SEMA6D: variants seen among roughly 807,000 people sequenced by gnomAD.
The protein encoded by SEMA6D is semaphorin 6D, also known as semaphorin-6D.
A neutral mutation model predicts 106.6 loss-of-function variants in SEMA6D; 35 were observed. That is an observed-to-expected ratio of 0.33 (90% CI 0.25 to 0.44). The LOEUF (loss-of-function observed/expected upper bound fraction) is 0.44. Among genes scored for constraint, SEMA6D ranks in the 20% least tolerant of loss-of-function variants. The pLI is 1.00. For synonymous variants in SEMA6D, 499 were observed against 487.7 expected (o/e 1.02, Z -0.31); for missense variants, 1,185 against 1,345.9 (o/e 0.88, Z 1.87).
intron 4 of SEMA6D, among the ~76,000 whole-genome samples, chr15:47,675,164 A>C (rs1217944374): frequency 6.6e-6 from 1 of 152,206 alleles, no homozygotes; most frequent in Non-Finnish European, 1.5e-5. Context: ...GGCATACATA[A>C]TTTAGGATGA....
At chr15:47,622,266 CAGAG>C (rs1380818488) in intron 4 of SEMA6D, among the ~76,000 whole-genome samples, 1 of 150,512 alleles carries the variant, frequency 6.6e-6, no homozygotes, top group African/African-American at 2.4e-5. Context: ...CCTTCATTCA[CAGAG>C]AGTCTCAAAA....
intron 2 of SEMA6D, 160 bp downstream of exon 2, chr15:47,760,067 A>G: frequency 1.5e-6 from 1 of 677,534 alleles, no homozygotes; most frequent in Non-Finnish European, 2.5e-6. Context: ...TGTTTGGAGA[A>G]AACGGGGCAG....
intron 3 of SEMA6D, among the ~76,000 whole-genome samples, chr15:47,541,837 A>T (rs542769044): frequency 6.6e-6 from 1 of 151,692 alleles, no homozygotes; most frequent in African/African-American, 2.4e-5. Context: ...TTCTTGGTAG[A>T]TTCAGAGCTG....
chr15:47,665,810 C>CA (rs2078014739), intron 4 of SEMA6D, among the ~76,000 whole-genome samples: 1 of 152,068 alleles, frequency 6.6e-6, no homozygotes, highest in East Asian at 1.9e-4. Flanking sequence ...ACTCTGTTTC[C>CA]AAAAAAATAA....
At chr15:47,330,607 T>C (rs2144072144) in intron 1 of SEMA6D, among the ~76,000 whole-genome samples, 1 of 152,290 alleles carries the variant, frequency 6.6e-6, no homozygotes, top group East Asian at 1.9e-4. Context: ...ATTTATTGAG[T>C]CCCTACTATA....
intron 4 of SEMA6D, among the ~76,000 whole-genome samples, chr15:47,674,324 A>G (rs1264744351): frequency 6.6e-6 from 1 of 152,196 alleles, no homozygotes; most frequent in East Asian, 1.9e-4. Flanking sequence ...GGAAGGAAAG[A>G]CGTAGCTTGT....
At chr15:47,235,801 G>T (rs1209543065) in intron 1 of SEMA6D, among the ~76,000 whole-genome samples, 1 of 151,996 alleles carries the variant, frequency 6.6e-6, no homozygotes, top group Non-Finnish European at 1.5e-5. Flanking sequence ...CTTGTAAATT[G>T]CTTTTGACAG....
At chr15:47,661,110 G>A (rs1245299920) in intron 4 of SEMA6D, among the ~76,000 whole-genome samples, 1 of 152,120 alleles carries the variant, frequency 6.6e-6, no homozygotes, top group African/African-American at 2.4e-5. Flanking sequence ...TTGCACATTT[G>A]TTTAAGAGAG....
chr15:47,768,638 C>G lies in SEMA6D; in HGVS notation c.1823C>G (p.Pro608Arg), dbSNP rs2082472256. 6.2e-7 allele frequency: 1 copy of G among 1,613,256 alleles called. No individual in the cohort carries two copies. Among genetic ancestry groups the G allele is most frequent in the Non-Finnish European group, 8.5e-7 (1 of 1,179,442 alleles). ...TTMASIPEIT[P>R]KVIDTWRPKL... Reference sequence around the variant, plus strand: ...ATGGCAAGTATCCCAGAAATCACACCTAAAGTGATTGATACCTGGAGACCT... The same window carrying G: ...ATGGCAAGTATCCCAGAAATCACACGTAAAGTGATTGATACCTGGAGACCT... Residue 608 changes from proline (P) to arginine (R), a missense_variant, in exon 18 of 19, where the codon CCT becomes CGT. Transcript: ENST00000536845.
At chr15:47,442,491 A>G (rs964773741) in intron 2 of SEMA6D, among the ~76,000 whole-genome samples, 1 of 152,136 alleles carries the variant, frequency 6.6e-6, no homozygotes, top group East Asian at 1.9e-4. Context: ...CCAGCTAGTC[A>G]TATGACCTAT....
intron 1 of SEMA6D, among the ~76,000 whole-genome samples, chr15:47,221,802 A>T (rs937593520): frequency 6.6e-6 from 1 of 152,248 alleles, no homozygotes; most frequent in Non-Finnish European, 1.5e-5. Context: ...GTTAGATCAC[A>T]TTATTTAAAT....
intron 3 of SEMA6D, among the ~76,000 whole-genome samples, chr15:47,583,817 G>A (rs2076292240): frequency 6.6e-6 from 1 of 152,166 alleles, no homozygotes; most frequent in South Asian, 2.1e-4. Flanking sequence ...AGGAGAGCAG[G>A]GGAGAAAGAA....
In SEMA6D at chr15:47,639,487, C is replaced by T. The variant is rs537808203; in HGVS notation, c.-55+38591C>T. ...CAAATAATTAATGGAGGTTCTCCACCCTCAAGGAGGGAAAGAATAACTCCT... is the reference window on the plus strand; with the variant it reads ...CAAATAATTAATGGAGGTTCTCCACTCTCAAGGAGGGAAAGAATAACTCCT... On this transcript the variant is annotated intron_variant, in intron 4 of 19. Coordinates refer to the SEMA6D transcript ENST00000558014. Among the ~76,000 whole-genome samples, 10 of 152,290 alleles carry T rather than the reference C, an allele frequency of 6.6e-5. No homozygotes were observed. In the East Asian group the frequency reaches 1.7e-3, roughly 26 times the overall value.
chr15:47,474,147 T>C (rs1009339527), intron 3 of SEMA6D, among the ~76,000 whole-genome samples: 1 of 152,214 alleles, frequency 6.6e-6, no homozygotes, highest in South Asian at 2.1e-4. Context: ...GAATTCTAGC[T>C]GAGTTCCTGT....
intron 1 of SEMA6D, among the ~76,000 whole-genome samples, chr15:47,289,284 C>T (rs1300042948): frequency 1.1e-4 from 16 of 150,698 alleles, no homozygotes; most frequent in African/African-American, 3.9e-4. Context: ...ATCCCAGCTA[C>T]TCAGGAGGCC....
At chr15:47,273,681 A>T (rs1456994013) in intron 1 of SEMA6D, among the ~76,000 whole-genome samples, 1 of 152,244 alleles carries the variant, frequency 6.6e-6, no homozygotes, top group Non-Finnish European at 1.5e-5. Context: ...GGTGTAAATT[A>T]GTGAATGTTA....
intron 4 of SEMA6D, among the ~76,000 whole-genome samples, chr15:47,625,824 A>G (rs2144349553): frequency 6.6e-6 from 1 of 152,296 alleles, no homozygotes; most frequent in South Asian, 2.1e-4. Context: ...ATTTACAAAA[A>G]CTTAATTTAA....
rs535942668 is a variant in SEMA6D, at chr15:47,447,650, A to C, written c.-158-22824A>C. Among the ~76,000 whole-genome samples the C allele has an allele frequency of 2.6e-5, 4 of 152,254 alleles. No homozygotes were observed. In the South Asian group the frequency reaches 6.2e-4, roughly 24 times the overall value. On this transcript the variant is annotated intron_variant, in intron 2 of 19. Coordinates refer to the SEMA6D transcript ENST00000558014. ...TATCCTCTAAAATATCCTATGCAATAAACTGATAAATGTAAGAGTTTCCCT... is the reference window on the plus strand; with the variant it reads ...TATCCTCTAAAATATCCTATGCAATCAACTGATAAATGTAAGAGTTTCCCT...
chr15:47,330,548 A>G (rs916365205), intron 1 of SEMA6D, among the ~76,000 whole-genome samples: 1 of 152,176 alleles, frequency 6.6e-6, no homozygotes, highest in African/African-American at 2.4e-5. Context: ...TGAGGGAGCC[A>G]TAGTTCATGG....
Sources: allele counts gnomAD v4.1 joint callset (sites outside exome capture counted in the v4.1 genomes callset), GRCh38; gene constraint gnomAD v4.1.1; transcripts MANE v1.5; gene names NCBI Gene and HGNC (gene_info 2026-07-23, HGNC 2026-07-21).